The following CSMD2 variants were observed in gnomAD, a reference collection of about 807,000 sequenced individuals.
CSMD2 encodes CUB and Sushi multiple domains 2.
CSMD2 carries 130 observed loss-of-function variants against 398.5 expected under a neutral mutation model. The ratio of observed to expected loss-of-function variants is 0.33; its 90% CI spans 0.28 to 0.38. The LOEUF is 0.38. Among genes scored for constraint, CSMD2 ranks in the 10% least tolerant of loss-of-function variants. The pLI is 1.00. For synonymous variants in CSMD2, 1,828 were observed against 1,908.5 expected (o/e 0.96, Z 1.10); for missense variants, 3,829 against 4,764.9 (o/e 0.80, Z 5.78).
chr1:33,611,594 G>A (rs1307160989), intron 40 of CSMD2, among the ~76,000 whole-genome samples: 1 of 152,148 alleles, frequency 6.6e-6, no homozygotes, highest in East Asian at 1.9e-4. Context: ...AGTTTTGCTA[G>A]AATAAACTTT....
At chr1:33,693,497 A>G (rs1412292199) in intron 24 of CSMD2, among the ~76,000 whole-genome samples, 1 of 152,204 alleles carries the variant, frequency 6.6e-6, no homozygotes, top group Non-Finnish European at 1.5e-5. Flanking sequence ...ATTGATGGAA[A>G]TGTAAAATGG....
At chr1:33,729,689 C>T (rs1390450383) in intron 15 of CSMD2, among the ~76,000 whole-genome samples, 1 of 151,708 alleles carries the variant, frequency 6.6e-6, no homozygotes, top group East Asian at 1.9e-4. Context: ...TTCTTAAATG[C>T]AATGTCTCTT....
chr1:33,541,066 G>T, intron 59 of CSMD2, 64 bp downstream of exon 59: 1 of 1,501,134 alleles, frequency 6.7e-7, no homozygotes, highest in South Asian at 1.2e-5. Flanking sequence ...GAGATGCTCA[G>T]GGCCTACATC....
intron 55 of CSMD2, among the ~76,000 whole-genome samples, chr1:33,552,767 C>T (rs1008262421): frequency 6.6e-6 from 1 of 151,804 alleles, no homozygotes; most frequent in Non-Finnish European, 1.5e-5. Context: ...TAGAGGTTGC[C>T]AGAAGCTGGG....
intron 42 of CSMD2, among the ~76,000 whole-genome samples, chr1:33,604,670 T>A (rs1218011587): frequency 6.6e-6 from 1 of 152,106 alleles, no homozygotes; most frequent in East Asian, 1.9e-4. Flanking sequence ...GGAAGGCAAA[T>A]GGAACTGAAG....
chr1:33,782,263 T>C (rs1328007274), intron 12 of CSMD2, among the ~76,000 whole-genome samples: 4 of 151,896 alleles, frequency 2.6e-5, no homozygotes, highest in East Asian at 3.9e-4. Flanking sequence ...TAACAGGGGC[T>C]AAAATGGAGG....
intron 3 of CSMD2, among the ~76,000 whole-genome samples, chr1:33,943,962 G>A (rs1434380067): frequency 1.5e-5 from 2 of 135,228 alleles, no homozygotes; most frequent in Admixed American, 7.3e-5. Flanking sequence ...ACACACACAC[G>A]AAGCAATAAA....
chr1:33,595,568 C>T (rs957042967), intron 44 of CSMD2, among the ~76,000 whole-genome samples: 1 of 152,176 alleles, frequency 6.6e-6, no homozygotes, highest in African/African-American at 2.4e-5. Context: ...CGTGGATATA[C>T]ATAGTGTTCT....
intron 3 of CSMD2, among the ~76,000 whole-genome samples, chr1:34,002,365 A>G (rs1313137209): frequency 6.6e-6 from 1 of 152,234 alleles, no homozygotes; most frequent in Non-Finnish European, 1.5e-5. Flanking sequence ...GGCTTCTACC[A>G]GGAGGCCTTG....
chr1:33,710,399 C>CTGAATGAA (rs10632721), intron 21 of CSMD2, among the ~76,000 whole-genome samples: 79 of 151,938 alleles, frequency 5.2e-4, no homozygotes, highest in African/African-American at 1.9e-3. Context: ...TAAATATTTA[C>CTGAATGAA]TGAATGAATG....
At chr1:33,747,315 T>G (rs1399721176) in intron 13 of CSMD2, among the ~76,000 whole-genome samples, 1 of 152,254 alleles carries the variant, frequency 6.6e-6, no homozygotes, top group Non-Finnish European at 1.5e-5. Context: ...ACGTTATTCC[T>G]GCCCAAACTC....
At chr1:33,720,301 G>A (rs1646316717) in intron 19 of CSMD2, among the ~76,000 whole-genome samples, 1 of 152,212 alleles carries the variant, frequency 6.6e-6, no homozygotes, top group Non-Finnish European at 1.5e-5. Flanking sequence ...CAGGGAGACT[G>A]ATGATGAAAA....
At chr1:33,980,194 A>G (rs1646117942) in intron 3 of CSMD2, among the ~76,000 whole-genome samples, 2 of 152,104 alleles carry the variant, frequency 1.3e-5, no homozygotes, top group African/African-American at 4.8e-5. Flanking sequence ...AGTTTCACAG[A>G]CTCAGACTAT....
chr1:33,947,374 G>A (rs1644871129), intron 3 of CSMD2, among the ~76,000 whole-genome samples: 1 of 152,124 alleles, frequency 6.6e-6, no homozygotes, highest in South Asian at 2.1e-4. Flanking sequence ...TTGAGGACCT[G>A]CATTACTTGG....
intron 21 of CSMD2, among the ~76,000 whole-genome samples, chr1:33,712,014 A>T (rs1027839989): frequency 2.0e-5 from 3 of 152,202 alleles, no homozygotes; most frequent in East Asian, 1.9e-4. Context: ...AGCCAAACAC[A>T]GGCACAAATG....
Position 33,636,294 on chromosome 1 carries a change from C to T in CSMD2, c.4969+66G>A, listed in dbSNP as rs1642797351. The T allele has an allele frequency of 1.0e-5, 15 of 1,471,924 alleles. No individual in the cohort carries two copies. Among genetic ancestry groups the T allele is most frequent in the Admixed American group, 6.3e-5 (3 of 47,502 alleles). The allele number at this position is 1,471,924 out of a possible 1,614,324, so 91.2% of individuals were successfully genotyped here. A position where few individuals can be genotyped will look rare whatever the true frequency, so the allele number is the denominator to read the frequency against. On this transcript the variant is annotated intron_variant, in intron 30 of 70. Transcript: ENST00000373381. This position sits in a 1 kb window ranked among gnomAD's most constrained non-coding sequence, Gnocchi z 4.8. ...TTGCCCCCCTCCCTTCCCCAGCCCA[C>T]AGCACCCTCTGCCCCTGGCATGCCC...
In CSMD2 at chr1:33,625,083, G is replaced by C; in HGVS notation, c.5468C>G (p.Ala1823Gly). ...CGTGGGCGCTGAGACATTCCATTGG[G>C]CCAAGGCCCCAGGCACAGGGAGGCA... ...IECLPVPGAL[A>G]QWNVSAPTCV... The change falls in exon 34 of 71, where the codon GCC (alanine) becomes GGC (glycine). Residue 1823 changes from alanine to glycine, a missense_variant. Ala to Gly is a moderately conservative substitution (Grantham distance 60). Coordinates refer to ENST00000373381, the MANE Select transcript of CSMD2 (RefSeq NM_001281956.2). 6.2e-7 allele frequency: 1 copy of C among 1,614,032 alleles called. No individual in the cohort carries two copies. Among genetic ancestry groups the C allele is most frequent in the Non-Finnish European group, 8.5e-7 (1 of 1,180,002 alleles).
chr1:33,712,469 T>C (rs1418744925), intron 21 of CSMD2, among the ~76,000 whole-genome samples: 1 of 152,210 alleles, frequency 6.6e-6, no homozygotes, highest in African/African-American at 2.4e-5. Flanking sequence ...ATTCCTGAGA[T>C]GCCTCCAGCC....
intron 10 of CSMD2, among the ~76,000 whole-genome samples, 194 bp downstream of exon 10, chr1:33,810,549 T>C (rs1656744620): frequency 6.6e-6 from 1 of 152,142 alleles, no homozygotes; most frequent in Admixed American, 6.5e-5. Flanking sequence ...GTTTGTTGTA[T>C]TGGTGTTCTT....
Sources: gnomAD v4.1 joint callset for allele counts (sites outside exome capture counted in the v4.1 genomes callset) on GRCh38, gnomAD v4.1.1 for gene constraint, Gnocchi (gnomAD v3.1) non-coding constraint, MANE v1.5 for transcripts, NCBI Gene and HGNC (gene_info 2026-07-23, HGNC 2026-07-21) for gene names.